The following ANTXR2 variants were observed in gnomAD, a reference collection of about 807,000 sequenced individuals.
The protein encoded by ANTXR2 is anthrax toxin receptor 2.
Under a neutral mutation model 73.7 loss-of-function variants are expected in ANTXR2, and 44 were observed. That is an observed-to-expected ratio of 0.60 (90% confidence interval 0.47 to 0.77). The LOEUF (loss-of-function observed/expected upper bound fraction) is 0.77, where lower values mean the gene tolerates loss of function less well. Among genes scored for constraint, ANTXR2 ranks in the 30% least tolerant of loss-of-function variants. ANTXR2 has a pLI of 0.00. For synonymous variants in ANTXR2, 217 were observed against 205.9 expected (o/e 1.05, Z -0.46); for missense variants, 604 against 592.5 (o/e 1.02, Z -0.20).
At chr4:80,054,223 A>G (rs1434076308) in intron 7 of ANTXR2, 49 bp downstream of exon 7, 4 of 1,424,606 alleles carry the variant, frequency 2.8e-6, no homozygotes, top group Non-Finnish European at 3.9e-6. Flanking sequence ...TATAGATTAA[A>G]AAAATATACA....
chr4:79,948,868 TTAATG>T (rs1728604553), intron 16 of ANTXR2, among the ~76,000 whole-genome samples: 1 of 152,110 alleles, frequency 6.6e-6, no homozygotes, highest in Non-Finnish European at 1.5e-5. Context: ...AGCAAAGTCT[TTAATG>T]TAGGCATTAT....
At chr4:79,908,910 T>C (rs1727019168) in intron 16 of ANTXR2, among the ~76,000 whole-genome samples, 1 of 152,126 alleles carries the variant, frequency 6.6e-6, no homozygotes. Flanking sequence ...CAAAACACAA[T>C]AAAACAATAA....
rs1197248668 is a variant in ANTXR2, at chr4:79,905,105, T to A, written c.*2324A>T. 6.6e-6 allele frequency: 1 copy of A among 152,212 alleles called. No homozygotes were observed. Among genetic ancestry groups the A allele is most frequent in the Non-Finnish European group, 1.5e-5 (1 of 68,028 alleles). 9.4% of individuals were successfully genotyped at this position (152,212 alleles called of 1,614,324 possible). On this transcript the variant is annotated 3_prime_UTR_variant, in exon 17 of 17. Coordinates refer to ENST00000403729, the MANE Select transcript of ANTXR2 (RefSeq NM_058172.6). ...TTAAGAGCTCTTCATAGTAGCTGTATAACAATCTACAGAAAGTTATTTTTC... is the reference window on the plus strand; with the variant it reads ...TTAAGAGCTCTTCATAGTAGCTGTAAAACAATCTACAGAAAGTTATTTTTC...
At position 80,018,819 on chromosome 4, in the gene ANTXR2, C is replaced by A. The variant is rs911003446; in HGVS notation, c.945+79G>T. The A allele has an allele frequency of 9.7e-6, 11 of 1,129,402 alleles. No homozygotes were observed. The African/African-American group carries it at 1.8e-4, about 19-fold the overall frequency. The allele number at this position is 1,129,402 out of a possible 1,614,324, so 70.0% of individuals were successfully genotyped here. On this transcript the variant is annotated intron_variant, in intron 11 of 16. Coordinates refer to ENST00000403729, the MANE Select transcript of ANTXR2 (RefSeq NM_058172.6). ...TTTGCATCTCCTTTATTGTAGTATG[C>A]AACAACACCAAAGATCCATAGATTA...
chr4:80,004,528 A>G lies in ANTXR2; in HGVS notation c.1041+3993T>C, dbSNP rs537746378. ...GATGGATTTGTTTCTTGCCTCTTCC[A>G]GCTTCTAGTGGCTGCCAGCATTCCT... On this transcript the variant is annotated intron_variant, in intron 12 of 16. Transcript: ENST00000403729. 3.9e-5 allele frequency among the ~76,000 whole-genome samples: 6 copies of G among 152,106 alleles called. No individual in the cohort carries two copies. In the East Asian group the frequency reaches 1.2e-3, roughly 29 times the overall value.
chr4:80,012,790 C>CTCATCAAACCATGCACCTCTT (rs1731655399), intron 11 of ANTXR2, among the ~76,000 whole-genome samples: 1 of 152,206 alleles, frequency 6.6e-6, no homozygotes, highest in Admixed American at 6.5e-5. Context: ...TGCTGTTACA[C>CTCATCAAACCATGCACCTCTT]TCATCAAACC....
chr4:79,994,921 G>A (rs1299520199), intron 12 of ANTXR2, among the ~76,000 whole-genome samples: 3 of 151,678 alleles, frequency 2.0e-5, no homozygotes, highest in Non-Finnish European at 1.5e-5. Flanking sequence ...GTCCCTCCAC[G>A]GTTAAGGCCT....
intron 9 of ANTXR2, 81 bp from the exon 10 acceptor site, chr4:80,031,773 T>C (rs974752975): frequency 5.2e-6 from 4 of 762,636 alleles, no homozygotes; most frequent in Non-Finnish European, 7.6e-6. Context: ...ACAGCATGCT[T>C]CAATCAGAGT....
At chr4:79,927,181 T>C (rs146282896) in intron 16 of ANTXR2, among the ~76,000 whole-genome samples, 204 of 151,680 alleles carry the variant, frequency 1.3e-3, no homozygotes, top group African/African-American at 4.6e-3. Flanking sequence ...ATAGAAAAAG[T>C]ACTGTACTAT....
At chr4:80,035,765 C>G (rs2110086734) in intron 8 of ANTXR2, among the ~76,000 whole-genome samples, 1 of 152,126 alleles carries the variant, frequency 6.6e-6, no homozygotes, top group East Asian at 1.9e-4. Flanking sequence ...ACACAATATG[C>G]TCATTATTTA....
At chr4:79,984,209 ACTAGAAGTTGTT>A (rs1730006865) in intron 13 of ANTXR2, among the ~76,000 whole-genome samples, 1 of 152,272 alleles carries the variant, frequency 6.6e-6, no homozygotes, top group South Asian at 2.1e-4. Flanking sequence ...TCCCTAGGTA[ACTAGAAGTTGTT>A]CTTTAACTAT....
At chr4:79,975,124 C>T (rs867834897) in intron 16 of ANTXR2, among the ~76,000 whole-genome samples, 1 of 152,194 alleles carries the variant, frequency 6.6e-6, no homozygotes, top group African/African-American at 2.4e-5. Flanking sequence ...ATCACTGCCT[C>T]AGTGACTTTG....
At chr4:80,057,755 T>C (rs1295226673) in intron 3 of ANTXR2, among the ~76,000 whole-genome samples, 1 of 152,042 alleles carries the variant, frequency 6.6e-6, no homozygotes, top group Non-Finnish European at 1.5e-5. Context: ...TTAACTAATT[T>C]AATTTAAATA....
rs1484701923 is a variant in ANTXR2 at position 79,967,078 on chromosome 4, G to T, written c.1428+10543C>A. The stretch of plus-strand genomic sequence containing the variant: ...TGTGTGTGCGCACCGTGCGCGAGCC[G>T]AAGCAGGGCGAGGAATTGCCTCACC... On this transcript the variant is annotated intron_variant, in intron 16 of 16. Coordinates refer to ENST00000403729, the MANE Select transcript of ANTXR2 (RefSeq NM_058172.6). Among the ~76,000 whole-genome samples, 2 of 71,658 alleles carry T rather than the reference G, an allele frequency of 2.8e-5. 1 individual carries two copies. The highest frequency in any genetic ancestry group is 4.0e-4 in the Admixed American group (2 of 4,994). The allele number at this position is 71,658 out of a possible 152,430, so 47.0% of individuals were successfully genotyped here. A position where few individuals can be genotyped will look rare whatever the true frequency, so the allele number is the denominator to read the frequency against.
chr4:80,063,745 T>C (rs563449611), intron 3 of ANTXR2, among the ~76,000 whole-genome samples: 4 of 152,316 alleles, frequency 2.6e-5, no homozygotes, highest in Admixed American at 1.3e-4. Context: ...ATGTACAGAC[T>C]TTCCTATTTC....
chr4:80,028,191 T>C (rs1732526304), intron 10 of ANTXR2, among the ~76,000 whole-genome samples: 1 of 152,156 alleles, frequency 6.6e-6, no homozygotes, highest in Non-Finnish European at 1.5e-5. Context: ...TACAGATCTC[T>C]GTATCAGACA....
At chr4:79,929,526 C>A (rs1181666257) in intron 16 of ANTXR2, among the ~76,000 whole-genome samples, 1 of 152,016 alleles carries the variant, frequency 6.6e-6, no homozygotes, top group Non-Finnish European at 1.5e-5. Context: ...ACAACAACAA[C>A]AACAAAAGTA....
intron 1 of ANTXR2, 106 bp downstream of exon 1, chr4:80,072,303 G>A: frequency 1.5e-6 from 2 of 1,312,676 alleles, no homozygotes; most frequent in Non-Finnish European, 2.0e-6. Context: ...CCCTCCGCGG[G>A]TTTCCAACAC....
Position 79,914,403 on chromosome 4 carries a change from A to AT in ANTXR2, c.1429-6937dup, listed in dbSNP as rs922447580. On this transcript the variant is annotated intron_variant, in intron 16 of 16. Transcript: ENST00000403729. ...ATTTTTGTTCTTCTGAGGTTTGACT[A>AT]TTTTTTTTCTCAATACTTCTTTAGA... 9.0e-4 allele frequency among the ~76,000 whole-genome samples: 137 copies of AT among 151,854 alleles called. 1 individual carries two copies. Among genetic ancestry groups the AT allele is most frequent in the Middle Eastern group, 6.8e-3 (2 of 294 alleles).
Sources: allele counts gnomAD v4.1 joint callset (sites outside exome capture counted in the v4.1 genomes callset), GRCh38; gene constraint gnomAD v4.1.1; transcripts MANE v1.5; gene names NCBI Gene and HGNC (gene_info 2026-07-23, HGNC 2026-07-21).